Variants in ASMTL observed in about 807,000 individuals in gnomAD.
ASMTL encodes the protein probable bifunctional dTTP/UTP pyrophosphatase/methyltransferase protein.
In ASMTL, 57 loss-of-function variants were observed where a neutral mutation model predicts 60.3. That is an observed-to-expected ratio of 0.95 (90% CI 0.76 to 1.18). The LOEUF (loss-of-function observed/expected upper bound fraction) is 1.18, where lower values mean the gene tolerates loss of function less well. Ranked by LOEUF, ASMTL falls within the 50% of genes most tolerant of loss-of-function variation. ASMTL has a pLI of 0.00. For synonymous variants in ASMTL, 419 were observed against 373.0 expected (o/e 1.12, Z -1.42); for missense variants, 981 against 852.6 (o/e 1.15, Z -1.88).
At chrX:1,419,234 T>A (rs2090406836) in intron 9 of ASMTL, 120 bp from the exon 10 acceptor site, 6 of 1,150,344 alleles carry the variant, frequency 5.2e-6, no homozygotes, top group Non-Finnish European at 7.4e-6. Context: ...CAGCCGCGCC[T>A]GGGCTGCAGA....
chrX:1,412,911 C>A, intron 11 of ASMTL, 57 bp from the exon 12 acceptor site: 1 of 1,600,410 alleles, frequency 6.2e-7, no homozygotes, highest in Non-Finnish European at 8.6e-7. Context: ...CAGTCCTCCC[C>A]GGACAGATCC....
chrX:1,411,806 C>CTT (rs756437483), intron 12 of ASMTL, among the ~76,000 whole-genome samples: 2,405 of 86,074 alleles, frequency 0.028, 93 homozygotes, highest in Non-Finnish European at 0.032. Flanking sequence ...TTAGGATTTT[C>CTT]TTTTTTTTTT....
At chrX:1,453,452 C>G (rs2091446370), upstream of ASMTL, among the ~76,000 whole-genome samples, 1 of 152,038 alleles carries the variant, frequency 6.6e-6, no homozygotes, top group Non-Finnish European at 1.5e-5. Context: ...CCTCCCCACC[C>G]CGCCTGCGGC....
chrX:1,417,854 A>G (rs1460826756), intron 11 of ASMTL, 119 bp downstream of exon 11: 1 of 1,330,282 alleles, frequency 7.5e-7, no homozygotes, highest in South Asian at 1.5e-5. Flanking sequence ...TTGCACACAC[A>G]TACCCACCAT....
At chrX:1,435,335 A>C in intron 4 of ASMTL, 1 of 614,586 alleles carries the variant, frequency 1.6e-6, no homozygotes, top group Non-Finnish European at 2.9e-6. Flanking sequence ...AGCTGGGCCT[A>C]TGGCGGGCAG....
At chrX:1,404,565 T>G (rs761306160) in intron 12 of ASMTL, among the ~76,000 whole-genome samples, 16 of 151,612 alleles carry the variant, frequency 1.1e-4, no homozygotes, top group African/African-American at 3.4e-4. Context: ...GATGGATGCA[T>G]GCATGAGATG....
intron 6 of ASMTL, 59 bp from the exon 7 acceptor site, chrX:1,428,180 C>T: frequency 2.0e-6 from 3 of 1,534,142 alleles, no homozygotes; most frequent in Non-Finnish European, 2.6e-6. Flanking sequence ...TGGGTCTGAA[C>T]ATTTCACGGC....
Position 1,434,885 on chromosome X carries a change from C to T in ASMTL, c.400+137G>A. ...CTTCCAAATCGGCGGACAACTTTCC[C>T]AAGCAGGACATAGGCACAAACCCCT... On this transcript the variant is annotated intron_variant, in intron 5 of 12. Coordinates refer to ENST00000381317, the MANE Select transcript of ASMTL (RefSeq NM_004192.4). 3 of 840,124 alleles carry T rather than the reference C, an allele frequency of 3.6e-6. No homozygotes were observed. The East Asian group carries it at 7.8e-5, about 22-fold the overall frequency. The allele number at this position is 840,124 out of a possible 1,614,324, so 52.0% of individuals were successfully genotyped here.
At chrX:1,420,080 A>G (rs1339569537) in intron 9 of ASMTL, among the ~76,000 whole-genome samples, 3 of 144,682 alleles carry the variant, frequency 2.1e-5, no homozygotes, top group African/African-American at 7.7e-5. Context: ...ATCTGCCTCT[A>G]TCTCTGTCTC....
intron 1 of ASMTL, among the ~76,000 whole-genome samples, chrX:1,449,986 G>C (rs1239178791): frequency 1.5e-5 from 2 of 131,752 alleles, no homozygotes; most frequent in Non-Finnish European, 3.1e-5. Flanking sequence ...CCTCATCACC[G>C]GTAACTACGC....
rs1285081658 is a variant in ASMTL, at chrX:1,410,371, A to C, written c.1645+2361T>G. On this transcript the variant is annotated intron_variant, in intron 12 of 12. Coordinates refer to ENST00000381317, the MANE Select transcript of ASMTL (RefSeq NM_004192.4). ...CAGTGAACTATGATGACAACACTGCACTCCAGCCTGGGTGACAGAGGGGGA... is the reference window on the plus strand; with the variant it reads ...CAGTGAACTATGATGACAACACTGCCCTCCAGCCTGGGTGACAGAGGGGGA... Among the ~76,000 whole-genome samples, 623 of 151,172 alleles carry C rather than the reference A, an allele frequency of 4.1e-3. 6 individuals are homozygous for C. Among genetic ancestry groups the C allele is most frequent in the African/African-American group, 0.013 (545 of 41,166 alleles).
Position 1,417,997 on chromosome X carries a change from C to T in ASMTL, c.1498G>A (p.Ala500Thr). The change falls in exon 11 of 13, where the codon GCA becomes ACA. Residue 500 changes from alanine (A) to threonine (T), a missense_variant. Coordinates refer to ENST00000381317, the MANE Select transcript of ASMTL (RefSeq NM_004192.4). ...CCTGCTGCGAAGTGGATCTGCACTG[C>T]CTGCGGTCCGGGGGGTTGGAAGTGG... is the stretch of plus-strand genomic sequence containing the variant. ...AAHFQPPGPQ[A>T]VQIHFAAGDF... The T allele has an allele frequency of 1.2e-6, 2 of 1,612,730 alleles. No individual in the cohort carries two copies. The highest frequency in any genetic ancestry group is 1.7e-6 in the Non-Finnish European group (2 of 1,179,220).
chrX:1,444,929 CT>C (rs1325641560), intron 1 of ASMTL, among the ~76,000 whole-genome samples: 1 of 152,198 alleles, frequency 6.6e-6, no homozygotes, highest in Non-Finnish European at 1.5e-5. Context: ...CTCTGACCCC[CT>C]GCAACAGGTA....
intron 12 of ASMTL, among the ~76,000 whole-genome samples, chrX:1,410,648 G>A (rs1406932759): frequency 5.3e-5 from 8 of 152,018 alleles, no homozygotes; most frequent in East Asian, 2.0e-4. Flanking sequence ...TCCTGACCTC[G>A]AGATCTGCCC....
At chrX:1,415,492 T>G (rs78884431) in intron 11 of ASMTL, among the ~76,000 whole-genome samples, 1 of 148,480 alleles carries the variant, frequency 6.7e-6, no homozygotes, top group African/African-American at 2.5e-5. Context: ...TGAGATGGAG[T>G]TTCGCTCTTG....
chrX:1,420,796 T>A (rs1299938566), intron 9 of ASMTL, among the ~76,000 whole-genome samples: 3 of 152,036 alleles, frequency 2.0e-5, no homozygotes, highest in African/African-American at 7.2e-5. Flanking sequence ...TCCAACTCCT[T>A]CCTATTTCTA....
intron 1 of ASMTL, among the ~76,000 whole-genome samples, chrX:1,447,199 G>C (rs1167227226): frequency 1.3e-5 from 2 of 152,218 alleles, no homozygotes. Context: ...GAAGTGGCCA[G>C]AAAGAACACA....
At position 1,419,037 on chromosome X, in the gene ASMTL, G is replaced by T; in HGVS notation, c.1323C>A (p.Cys441Ter). The change falls in exon 10 of 13, where the codon TGC (cysteine) becomes TGA (stop). Residue 441 changes from cysteine (C) to a stop codon, truncating the protein, a stop_gained. Coordinates refer to ENST00000381317, the MANE Select transcript of ASMTL (RefSeq NM_004192.4). LOFTEE classifies it high-confidence loss of function. ...AMHGMTKLTA[C>*]QVATAFNLSR... Reference sequence around the variant, plus strand: ...ACAGATTGAAGGCCGTGGCCACCTGGCACGCAGTCAGCTTCGTCATGCCGT... The same window carrying T: ...ACAGATTGAAGGCCGTGGCCACCTGTCACGCAGTCAGCTTCGTCATGCCGT... The T allele has an allele frequency of 6.2e-7, 1 of 1,611,662 alleles. No homozygotes were observed. Among genetic ancestry groups the T allele is most frequent in the Non-Finnish European group, 8.5e-7 (1 of 1,179,718 alleles).
rs762021466 is a variant in ASMTL, at chrX:1,432,434, C to G, written c.401-57G>C. ...GACGCCAGCTTGTCACCTCCGTGCC[C>G]TGACAGCTGCGTGGCTGTGCTGTGG... On this transcript the variant is annotated intron_variant, in intron 5 of 12. Transcript: ENST00000381317. 2.2e-6 allele frequency: 3 copies of G among 1,355,536 alleles called. No individual in the cohort carries two copies. In the East Asian group the frequency reaches 7.0e-5, roughly 31 times the overall value. 84.0% of individuals were successfully genotyped at this position (1,355,536 alleles called of 1,614,324 possible). A position where few individuals can be genotyped will look rare whatever the true frequency, so the allele number is the denominator to read the frequency against.
Sources: allele counts gnomAD v4.1 joint callset (sites outside exome capture counted in the v4.1 genomes callset), GRCh38; gene constraint gnomAD v4.1.1; transcripts MANE v1.5; gene names NCBI Gene and HGNC (gene_info 2026-07-23, HGNC 2026-07-21).